Variants in C1RL observed in about 807,000 individuals in gnomAD.
C1RL encodes complement C1r subcomponent-like protein.
C1RL carries 27 observed loss-of-function variants against 27.9 expected under a neutral mutation model. The observed-to-expected ratio is 0.97, with a 90% CI of 0.71 to 1.33. C1RL has a LOEUF of 1.33. C1RL is among the 40% of genes most tolerant of loss of function. C1RL has a pLI of 0.00. For missense variants in C1RL, 563 were observed against 623.9 expected (o/e 0.90, Z 1.04); for synonymous variants, 248 against 252.1 (o/e 0.98, Z 0.15).
chr12:7,096,426 C>G lies in C1RL; in HGVS notation c.1429G>C (p.Asp477His). Residue 477 changes from aspartate (D) to histidine (H), a missense_variant, in exon 6 of 6, where the codon GAC (aspartate) becomes CAC (histidine). Transcript: ENST00000266542. ...DFYTKVLSYV[D>H]WIKGVMNGKN is the part of the protein sequence containing the mutation. Reference sequence around the variant, plus strand: ...CCATTCATCACTCCCTTGATCCAGTCCACATAGCTGAGCACCTTGGTGTAG... The same window carrying G: ...CCATTCATCACTCCCTTGATCCAGTGCACATAGCTGAGCACCTTGGTGTAG... 6.2e-7 allele frequency: 1 copy of G among 1,613,188 alleles called. No individual in the cohort carries two copies. Among genetic ancestry groups the G allele is most frequent in the Non-Finnish European group, 8.5e-7 (1 of 1,179,494 alleles).
At position 7,102,087 on chromosome 12, in the gene C1RL, T is replaced by C; in HGVS notation, c.301A>G (p.Ile101Val). ...SQDCAGDSVT[I>V]SFVGSDPSQF... is the part of the protein sequence containing the mutation. ...CTTGGATCCGAACCGACGAATGAGA[T>C]CTGAAAGCGGGAGGAGGAGTGAGGC... The change falls in exon 3 of 6, where the codon ATC becomes GTC. Residue 101 changes from isoleucine (I) to valine (V), a missense_variant and splice_region_variant. By Grantham distance (29) the Ile-to-Val change is conservative (BLOSUM62 3). Coordinates refer to ENST00000266542, the MANE Select transcript of C1RL (RefSeq NM_016546.4). 3 of 1,601,562 alleles carry C rather than the reference T, an allele frequency of 1.9e-6. No homozygotes were observed. The highest frequency in any genetic ancestry group is 2.6e-6 in the Non-Finnish European group (3 of 1,169,586).
chr12:7,109,100 CCACACT>C lies in C1RL; in HGVS notation c.71+4_71+9del. On this transcript the variant is annotated splice_donor_5th_base_variant and intron_variant, in intron 1 of 5. Coordinates refer to ENST00000266542, the MANE Select transcript of C1RL (RefSeq NM_016546.4). ...CCTCTTCCCTCCTCCTCTGCCGGGGCCACACTCACATTGCGCCTGGACAGCCTTTGG... is the reference window on the plus strand; with the variant it reads ...CCTCTTCCCTCCTCCTCTGCCGGGGCCACATTGCGCCTGGACAGCCTTTGG... 6.3e-7 allele frequency: 1 copy of C among 1,585,024 alleles called. No homozygotes were observed. Among genetic ancestry groups the C allele is most frequent in the Non-Finnish European group, 8.6e-7 (1 of 1,163,642 alleles).
chr12:7,101,847 CAT>C, intron 3 of C1RL, 49 bp downstream of exon 3: 1 of 1,576,930 alleles, frequency 6.3e-7, no homozygotes, highest in South Asian at 1.1e-5. Context: ...ATACCAGGGT[CAT>C]GGCTGGGAAC....
intron 2 of C1RL, among the ~76,000 whole-genome samples, chr12:7,107,606 T>C (rs765224371): frequency 2.6e-5 from 4 of 152,258 alleles, no homozygotes; most frequent in African/African-American, 9.6e-5. Context: ...CAAAAGATAA[T>C]GTGCTCTTTT....
chr12:7,099,446 T>C (rs1938547387), intron 5 of C1RL: 3 of 984,458 alleles, frequency 3.0e-6, no homozygotes, highest in Middle Eastern at 5.2e-4. Flanking sequence ...TTCCTCCTTT[T>C]CTAGTCCATC....
Position 7,096,129 on chromosome 12 carries a change from G to C in C1RL, c.*262C>G, listed in dbSNP as rs925589757. On this transcript the variant is annotated 3_prime_UTR_variant, in exon 6 of 6. Transcript: ENST00000266542. ...AGTTGTTGAGATGTACAGGCTTCCC[G>C]GGGCCTAGTGCATGAGCACAGGGAG... 5.6e-6 allele frequency: 7 copies of C among 1,242,926 alleles called. No homozygotes were observed. The highest frequency in any genetic ancestry group is 3.1e-4 in the Middle Eastern group (1 of 3,224). 77.0% of individuals were successfully genotyped at this position (1,242,926 alleles called of 1,614,324 possible).
At chr12:7,100,433 A>T (rs1006008713) in intron 3 of C1RL, among the ~76,000 whole-genome samples, 1 of 152,222 alleles carries the variant, frequency 6.6e-6, no homozygotes, top group African/African-American at 2.4e-5. Context: ...GCAGCAAAGT[A>T]TCTATCAGGA....
Position 7,108,122 on chromosome 12 carries a change from G to A in C1RL, c.300+129C>T, listed in dbSNP as rs776089466. The A allele has an allele frequency of 1.7e-5, 13 of 749,176 alleles. No homozygotes were observed. In the East Asian group the frequency reaches 3.0e-4, roughly 17 times the overall value. The allele number at this position is 749,176 out of a possible 1,614,324, so 46.4% of individuals were successfully genotyped here. ...CCACCACTGCTCCCCGGTAAGCCAA[G>A]CCCGACTGCCCCTACATGGAAAATT... On this transcript the variant is annotated intron_variant, in intron 2 of 5. Transcript: ENST00000266542.
rs751246101 is a variant in C1RL, at chr12:7,108,299, C to T, written c.252G>A (p.Gln84=). The change falls in exon 2 of 6, where the codon CAG becomes CAA. Residue 84 remains glutamine (Q), a synonymous_variant. Coordinates refer to ENST00000266542, the MANE Select transcript of C1RL (RefSeq NM_016546.4). ...CCTGGGACGGCTCCAGGTCGAAGTC[C>T]TGGAAGACGAGCCTCACAGCAAAGC... ...PEGFAVRLVF[Q]DFDLEPSQDC... 2.5e-6 allele frequency: 4 copies of T among 1,614,200 alleles called. No homozygotes were observed. The South Asian group carries it at 3.3e-5, about 13-fold the overall frequency.
intron 5 of C1RL, among the ~76,000 whole-genome samples, chr12:7,098,043 G>A (rs1407917515): frequency 2.0e-5 from 3 of 152,060 alleles, no homozygotes; most frequent in Non-Finnish European, 4.4e-5. Flanking sequence ...CGAGATGGGC[G>A]GATCACGAGG....
In C1RL at chr12:7,096,343, G is replaced by T. The variant is rs763143316; in HGVS notation, c.*48C>A. On this transcript the variant is annotated 3_prime_UTR_variant, in exon 6 of 6. Coordinates refer to ENST00000266542, the MANE Select transcript of C1RL (RefSeq NM_016546.4). ...CAGTCCTCACTCCAGGCCCTCTGTT[G>T]CCTGGGGCCTCCACTGTGCTGGTCA... 2.4e-6 allele frequency: 3 copies of T among 1,270,884 alleles called. No homozygotes were observed. In the South Asian group the frequency reaches 4.1e-5, roughly 17 times the overall value. The allele number at this position is 1,270,884 out of a possible 1,614,324, so 78.7% of individuals were successfully genotyped here. A position where few individuals can be genotyped will look rare whatever the true frequency, so the allele number is the denominator to read the frequency against.
At position 7,096,005 on chromosome 12, in the gene C1RL, CT is replaced by C. The variant is rs751467250; in HGVS notation, c.*385del. The C allele has an allele frequency of 1.6e-4, 166 of 1,014,396 alleles. No homozygotes were observed. In the African/African-American group the frequency reaches 2.6e-3, roughly 16 times the overall value. The allele number at this position is 1,014,396 out of a possible 1,614,324, so 62.8% of individuals were successfully genotyped here. ...CAATGAAAACCCCTTCCTCCATACT[CT>C]AATAGCGGGTGAGTAGCTGACTCTT... is the stretch of plus-strand genomic sequence containing the variant. On this transcript the variant is annotated 3_prime_UTR_variant, in exon 6 of 6. Coordinates refer to ENST00000266542, the MANE Select transcript of C1RL (RefSeq NM_016546.4).
rs1938643029 is a variant in C1RL, at chr12:7,102,068, T to G, written c.320A>C (p.Asp107Ala). Residue 107 changes from aspartate (D) to alanine (A), a missense_variant, in exon 3 of 6, where the codon GAT becomes GCT. Transcript: ENST00000266542. Reference sequence around the variant, plus strand: ...TTGCTGACCACAGAACTGGCTTGGATCCGAACCGACGAATGAGATCTGAAA... The same window carrying G: ...TTGCTGACCACAGAACTGGCTTGGAGCCGAACCGACGAATGAGATCTGAAA... ...DSVTISFVGS[D>A]PSQFCGQQGS... 6.2e-7 allele frequency: 1 copy of G among 1,607,664 alleles called. No individual in the cohort carries two copies. Among genetic ancestry groups the G allele is most frequent in the Non-Finnish European group, 8.5e-7 (1 of 1,174,638 alleles).
In C1RL at chr12:7,097,032, C is replaced by T. The variant is rs1938461264; in HGVS notation, c.823G>A (p.Asp275Asn). 1 of 1,613,986 alleles carries T rather than the reference C, an allele frequency of 6.2e-7. No individual in the cohort carries two copies. Among genetic ancestry groups the T allele is most frequent in the African/African-American group, 1.3e-5 (1 of 74,934 alleles). Residue 275 changes from aspartate (D) to asparagine (N), a missense_variant, in exon 6 of 6, where the codon GAC becomes AAC. Transcript: ENST00000266542. ...TGGGCAGCAGTGAGGATCCATCTGT[C>T]CCCCAGCAGGGCCCCGCCCCCACGG... ...HGRGGGALLGDRWILTAAHTI... is the reference protein window; with the variant it reads ...HGRGGGALLGNRWILTAAHTI...
chr12:7,101,430 G>A (rs1228634508), intron 3 of C1RL, among the ~76,000 whole-genome samples: 3 of 151,442 alleles, frequency 2.0e-5, no homozygotes, highest in African/African-American at 7.3e-5. Context: ...CACCATGCCT[G>A]GCTAATTTTT....
chr12:7,096,812 C>A lies in C1RL; in HGVS notation c.1043G>T (p.Ser348Ile), dbSNP rs1591595119. 6.2e-7 allele frequency: 1 copy of A among 1,605,246 alleles called. No individual in the cohort carries two copies. Among genetic ancestry groups the A allele is most frequent in the Non-Finnish European group, 8.5e-7 (1 of 1,175,150 alleles). The change falls in exon 6 of 6, where the codon AGC (serine) becomes ATC (isoleucine). Residue 348 changes from serine (S) to isoleucine (I), a missense_variant. By Grantham distance (142) the Ser-to-Ile change is moderately radical. Transcript: ENST00000266542. ...GDIALLELQH[S>I]IPLGPNVLPV... The stretch of plus-strand genomic sequence containing the variant: ...GAGGACGTTGGGGCCCAGGGGGATG[C>A]TGTGCTGCAGCTCCAGGAGGGCGAT...
At chr12:7,097,373 C>G (rs558956919) in intron 5 of C1RL, 5 of 514,646 alleles carry the variant, frequency 9.7e-6, no homozygotes, top group Non-Finnish European at 1.7e-5. Context: ...ACCTCCGCCT[C>G]CTGCGCTCAA....
chr12:7,099,791 T>C (rs1462348703), intron 4 of C1RL, 31 bp from the exon 5 acceptor site: 4 of 1,606,206 alleles, frequency 2.5e-6, no homozygotes, highest in East Asian at 2.2e-5. Context: ...GGCAAAGAAA[T>C]AGGCTCGGAG....
rs2135761394 is a variant in C1RL, at chr12:7,104,998, C to G, written c.301-2911G>C. 6.6e-6 allele frequency among the ~76,000 whole-genome samples: 1 copy of G among 152,296 alleles called. No homozygotes were observed. The highest frequency in any genetic ancestry group is 6.5e-5 in the Admixed American group (1 of 15,300). ...AAAAACAGAAGGATTAAGTGAAAGT[C>G]TACCTGCCAAACAGTGAGCTGCATC... On this transcript the variant is annotated intron_variant, in intron 2 of 5. Coordinates refer to ENST00000266542, the MANE Select transcript of C1RL (RefSeq NM_016546.4). The surrounding 1 kb of genome is among the most constrained non-coding windows in gnomAD (Gnocchi z 5.4).
Sources: allele counts gnomAD v4.1 joint callset (sites outside exome capture counted in the v4.1 genomes callset), GRCh38; gene constraint gnomAD v4.1.1; non-coding constraint Gnocchi (gnomAD v3.1); transcripts MANE v1.5; gene names NCBI Gene and HGNC (gene_info 2026-07-23, HGNC 2026-07-21).